Variants in DNM2 observed in about 807,000 individuals in gnomAD.
The protein encoded by DNM2 is dynamin 2.
Under a neutral mutation model 99.0 loss-of-function variants are expected in DNM2, and 15 were observed. The observed-to-expected ratio is 0.15, with a 90% CI of 0.10 to 0.23. DNM2 has a LOEUF of 0.23. DNM2 is among the 10% of genes least tolerant of loss of function. The probability of loss-of-function intolerance (pLI) is 1.00; values close to 1 mark genes in which losing one functional copy is unlikely to be tolerated. For synonymous variants in DNM2, 525 were observed against 481.2 expected, an observed-to-expected ratio of 1.09 and a Z score of -1.19; for missense variants, 742 against 1,189.4, an observed-to-expected ratio of 0.62 and a Z score of 5.53.
chr19:10,766,815 C>T (rs967973881), intron 2 of DNM2, among the ~76,000 whole-genome samples: 2 of 152,134 alleles, frequency 1.3e-5, no homozygotes, highest in Admixed American at 1.3e-4. Flanking sequence ...TGGATGACTG[C>T]CCAGATTAAT....
At chr19:10,809,204 C>T (rs1408238004) in intron 14 of DNM2, 1 of 152,346 alleles carries the variant, frequency 6.6e-6, no homozygotes, top group African/African-American at 2.4e-5. Context: ...TTGTTTTTCT[C>T]CCTATATGAT....
intron 11 of DNM2, among the ~76,000 whole-genome samples, chr19:10,799,486 C>A (rs2072055866): frequency 6.6e-6 from 1 of 151,626 alleles, no homozygotes; most frequent in East Asian, 1.9e-4. Flanking sequence ...AGGACCTCCA[C>A]TTGCCTGCTG....
chr19:10,784,163 A>G (rs534519128), intron 6 of DNM2, among the ~76,000 whole-genome samples: 11 of 152,262 alleles, frequency 7.2e-5, no homozygotes, highest in African/African-American at 2.2e-4. Flanking sequence ...GCACTCCAGC[A>G]GTCATCTTTT....
chr19:10,732,370 G>T (rs1268609045), intron 1 of DNM2, among the ~76,000 whole-genome samples: 1 of 149,840 alleles, frequency 6.7e-6, no homozygotes, highest in African/African-American at 2.4e-5. Flanking sequence ...GGAGGCCGAG[G>T]CGGGCGGATC....
At chr19:10,826,476 T>C (rs1238859166) in intron 18 of DNM2, among the ~76,000 whole-genome samples, 1 of 152,212 alleles carries the variant, frequency 6.6e-6, no homozygotes, top group Non-Finnish European at 1.5e-5. Context: ...GGCTCTGGGC[T>C]CCTCTTCAGT....
intron 15 of DNM2, 128 bp from the exon 16 acceptor site, chr19:10,819,852 A>G (rs2072915215): frequency 1.2e-5 from 10 of 848,242 alleles, no homozygotes; most frequent in Non-Finnish European, 2.0e-5. Flanking sequence ...AGATGGGCTC[A>G]TATACAGCAG....
At chr19:10,829,987 C>T in intron 19 of DNM2, 140 bp from the exon 20 acceptor site, 1 of 1,285,354 alleles carries the variant, frequency 7.8e-7, no homozygotes. Context: ...GACTGGCGCT[C>T]AGGTTGGGGT....
Position 10,722,260 on chromosome 19 carries a change from A to T in DNM2, c.161+3857A>T, listed in dbSNP as rs543630711. Among the ~76,000 whole-genome samples, 3 of 152,168 alleles carry T rather than the reference A, an allele frequency of 2.0e-5. No individual in the cohort carries two copies. The South Asian group carries it at 6.2e-4, about 32-fold the overall frequency. ...GCTGCCACAGTCCCCACTACTCCCT[A>T]GCACTCACCCAGGCCTAGATCATTT... On this transcript the variant is annotated intron_variant, in intron 1 of 20. Transcript: ENST00000389253.
chr19:10,776,524 A>T (rs1444461405), intron 4 of DNM2, among the ~76,000 whole-genome samples: 1 of 152,172 alleles, frequency 6.6e-6, no homozygotes, highest in Non-Finnish European at 1.5e-5. Flanking sequence ...CCAGTGTCTC[A>T]TGCACATGCC....
intron 1 of DNM2, among the ~76,000 whole-genome samples, chr19:10,757,986 C>T (rs952204423): frequency 3.3e-5 from 5 of 151,602 alleles, no homozygotes; most frequent in African/African-American, 1.2e-4. Flanking sequence ...TTCCCTGTGC[C>T]TAGAACCTTT....
At position 10,831,500 on chromosome 19, in the gene DNM2, C is replaced by T. The variant is rs200104482; in HGVS notation, c.*453C>T. Reference sequence around the variant, plus strand: ...CTTCCCATTAGCAGGAGCTCCCCAGCGGCAAGCCTGGCCCAGTGGGCTCGG... The same window carrying T: ...CTTCCCATTAGCAGGAGCTCCCCAGTGGCAAGCCTGGCCCAGTGGGCTCGG... On this transcript the variant is annotated 3_prime_UTR_variant, in exon 21 of 21. Coordinates refer to ENST00000389253, the MANE Select transcript of DNM2 (RefSeq NM_001005361.3). This position sits in a 1 kb window ranked among gnomAD's most constrained non-coding sequence, Gnocchi z 4.3. The T allele has an allele frequency of 5.4e-5, 53 of 988,182 alleles. No homozygotes were observed. The East Asian group carries it at 2.7e-3, about 50-fold the overall frequency. The allele number at this position is 988,182 out of a possible 1,614,324, so 61.2% of individuals were successfully genotyped here. A position where few individuals can be genotyped will look rare whatever the true frequency, so the allele number is the denominator to read the frequency against.
At chr19:10,799,198 G>A (rs1260900651) in intron 11 of DNM2, among the ~76,000 whole-genome samples, 1 of 152,154 alleles carries the variant, frequency 6.6e-6, no homozygotes, top group Non-Finnish European at 1.5e-5. Flanking sequence ...TCGCCCTCCA[G>A]CCTGGGAGAC....
Position 10,816,210 on chromosome 19 carries a change from T to G in DNM2, c.1672-3770T>G, listed in dbSNP as rs1332162467. Among the ~76,000 whole-genome samples, 3 of 151,876 alleles carry G rather than the reference T, an allele frequency of 2.0e-5. No homozygotes were observed. The highest frequency in any genetic ancestry group is 4.4e-5 in the Non-Finnish European group (3 of 67,952). ...CACCCCAGCCCGACATCCGAACACC[T>G]CCGCTGCAGCCCAGGCCTGATGTCC... On this transcript the variant is annotated intron_variant, in intron 15 of 20. Coordinates refer to ENST00000389253, the MANE Select transcript of DNM2 (RefSeq NM_001005361.3). This position sits in a 1 kb window ranked among gnomAD's most constrained non-coding sequence, Gnocchi z 4.6.
chr19:10,788,922 C>G (rs905113927), intron 7 of DNM2, among the ~76,000 whole-genome samples: 2 of 152,244 alleles, frequency 1.3e-5, no homozygotes, highest in African/African-American at 4.8e-5. Flanking sequence ...CCCCCTCTGC[C>G]AGGCAGTAGT....
chr19:10,806,086 C>A, intron 13 of DNM2, 119 bp downstream of exon 13: 2 of 1,258,276 alleles, frequency 1.6e-6, no homozygotes, highest in South Asian at 2.5e-5. Flanking sequence ...GCCTCAGTAC[C>A]AGGCCATCTG....
intron 1 of DNM2, among the ~76,000 whole-genome samples, chr19:10,720,826 C>G (rs2068914776): frequency 1.3e-5 from 2 of 152,162 alleles, no homozygotes. Context: ...CTGGCTGGTT[C>G]CTTTGCTATC....
At chr19:10,777,298 C>A in intron 5 of DNM2, 82 bp downstream of exon 5, 1 of 1,327,576 alleles carries the variant, frequency 7.5e-7, no homozygotes, top group Non-Finnish European at 1.1e-6. Context: ...TGTTCCCTGC[C>A]TGCCTGGAAG....
intron 1 of DNM2, among the ~76,000 whole-genome samples, chr19:10,744,896 G>A (rs2069905978): frequency 6.6e-6 from 1 of 152,034 alleles, no homozygotes; most frequent in Admixed American, 6.6e-5. Context: ...GTGAGCTCCA[G>A]GACCCCACAT....
chr19:10,829,946 G>T (rs542504110), intron 19 of DNM2, among the ~76,000 whole-genome samples, 181 bp from the exon 20 acceptor site: 1 of 152,244 alleles, frequency 6.6e-6, no homozygotes, highest in African/African-American at 2.4e-5. Flanking sequence ...AGTGGGAAGT[G>T]CCTGAGGGGG....
Sources: allele counts gnomAD v4.1 joint callset (sites outside exome capture counted in the v4.1 genomes callset), GRCh38; gene constraint gnomAD v4.1.1; non-coding constraint Gnocchi (gnomAD v3.1); transcripts MANE v1.5; gene names NCBI Gene and HGNC (gene_info 2026-07-23, HGNC 2026-07-21).